ZNF585B: variants seen among roughly 807,000 people sequenced by gnomAD.
The protein encoded by ZNF585B is zinc finger protein 41-like protein.
A neutral mutation model predicts 14.0 loss-of-function variants in ZNF585B; 7 were observed. That is an observed-to-expected ratio of 0.50 (90% confidence interval 0.28 to 0.94). The LOEUF (loss-of-function observed/expected upper bound fraction) is 0.94. Among genes scored for constraint, ZNF585B ranks in the 40% least tolerant of loss-of-function variants. The pLI, the probability that ZNF585B is intolerant of heterozygous loss-of-function variation, is 0.09. For synonymous variants in ZNF585B, 290 were observed against 317.3 expected, an observed-to-expected ratio of 0.91 and a Z score of 0.91; for missense variants, 750 against 924.4, an observed-to-expected ratio of 0.81 and a Z score of 2.45.
intron 1 of ZNF585B, among the ~76,000 whole-genome samples, chr19:37,208,056 T>C (rs1972605444): frequency 6.6e-6 from 1 of 152,154 alleles, no homozygotes; most frequent in South Asian, 2.1e-4. Context: ...CACTGCAACC[T>C]CCACCTCCAG....
At chr19:37,192,518 A>AT (rs34640738) in intron 2 of ZNF585B, among the ~76,000 whole-genome samples, 35,788 of 151,076 alleles carry the variant, frequency 0.24, 5,023 homozygotes, top group Non-Finnish European at 0.32. Context: ...AAAAAAAAAA[A>AT]AATAAAATAA....
At chr19:37,198,903 T>A in intron 2 of ZNF585B, 2 of 1,238,714 alleles carry the variant, frequency 1.6e-6, no homozygotes, top group Non-Finnish European at 2.2e-6. Flanking sequence ...ATATTTATAA[T>A]TTTTAATATG....
At chr19:37,188,746 G>A (rs1436457931) in intron 4 of ZNF585B, among the ~76,000 whole-genome samples, 1 of 152,070 alleles carries the variant, frequency 6.6e-6, no homozygotes, top group East Asian at 1.9e-4. Flanking sequence ...AACATCAGAA[G>A]GAAATGTGAG....
chr19:37,183,649 C>A lies in ZNF585B; in HGVS notation c.*1578G>T, dbSNP rs528093602. ...GCCACAGATAAAATAAAGAATTGTG[C>A]TCTTTGCAACGGGCACTGCAAATAC... On this transcript the variant is annotated 3_prime_UTR_variant, in exon 5 of 5. Coordinates refer to ENST00000532828, the MANE Select transcript of ZNF585B (RefSeq NM_152279.4). 6.6e-6 allele frequency: 1 copy of A among 152,124 alleles called. No homozygotes were observed. The highest frequency in any genetic ancestry group is 1.5e-5 in the Non-Finnish European group (1 of 68,018). The allele number at this position is 152,124 out of a possible 1,614,324, so 9.4% of individuals were successfully genotyped here.
At chr19:37,196,778 A>T (rs1391865379) in intron 2 of ZNF585B, among the ~76,000 whole-genome samples, 1 of 152,182 alleles carries the variant, frequency 6.6e-6, no homozygotes, top group Non-Finnish European at 1.5e-5. Context: ...TTTTATTATA[A>T]AAATACAGAA....
rs1415856140 is a variant in ZNF585B at position 37,183,499 on chromosome 19, G to A, written c.*1728C>T. On this transcript the variant is annotated 3_prime_UTR_variant, in exon 5 of 5. Coordinates refer to ENST00000532828, the MANE Select transcript of ZNF585B (RefSeq NM_152279.4). ...ACAGAGAAATGAGGAAAATACACCA[G>A]GCAGCATGGTGGAAATTGCTAGGGA... 4.6e-5 allele frequency: 7 copies of A among 152,246 alleles called. No individual in the cohort carries two copies. Among genetic ancestry groups the A allele is most frequent in the South Asian group, 2.1e-4 (1 of 4,828 alleles). 9.4% of individuals were successfully genotyped at this position (152,246 alleles called of 1,614,324 possible). A position where few individuals can be genotyped will look rare whatever the true frequency, so the allele number is the denominator to read the frequency against.
rs775203422 is a variant in ZNF585B, at chr19:37,187,197, T to C, written c.340A>G (p.Lys114Glu). 3.7e-6 allele frequency: 6 copies of C among 1,611,730 alleles called. No individual in the cohort carries two copies. The highest frequency in any genetic ancestry group is 4.2e-6 in the Non-Finnish European group (5 of 1,179,432). ...TTTTGATCTTGAGAGGAAGCTGGTT[T>C]ATAACCGATGATTTTTCTATGTTGA... ...HNQHRKIIGY[K>E]PASSQDQKIY... Residue 114 changes from lysine (K) to glutamate (E), a missense_variant, in exon 5 of 5, where the codon AAA becomes GAA. Physicochemically the swap from Lys to Glu is moderately conservative, Grantham distance 56. Around this residue, in one of 2 missense-constraint regions of ZNF585B, gnomAD observed 517 missense variants for 570.3 expected, o/e 0.91. Coordinates refer to ENST00000532828, the MANE Select transcript of ZNF585B (RefSeq NM_152279.4).
chr19:37,187,845 GC>G (rs1473443605), intron 4 of ZNF585B, among the ~76,000 whole-genome samples: 10 of 152,182 alleles, frequency 6.6e-5, no homozygotes, highest in Middle Eastern at 3.4e-3. Flanking sequence ...GAACAATTCA[GC>G]AGTTAAAAGA....
chr19:37,186,326 T>A lies in ZNF585B; in HGVS notation c.1211A>T (p.His404Leu), dbSNP rs749522104. Residue 404 changes from histidine to leucine, a missense_variant, in exon 5 of 5, where the codon CAT (histidine) becomes CTT (leucine). Coordinates refer to ENST00000532828, the MANE Select transcript of ZNF585B (RefSeq NM_152279.4). ...KSALTVHQRI[H>L]TGEKSYICMK... ...GCATATATACGATTTTTCTCCTGTATGAATTCTCTGATGCACTGTGAGTGC... is the reference window on the plus strand; with the variant it reads ...GCATATATACGATTTTTCTCCTGTAAGAATTCTCTGATGCACTGTGAGTGC... The A allele has an allele frequency of 6.2e-7, 1 of 1,614,134 alleles. No homozygotes were observed. The highest frequency in any genetic ancestry group is 1.1e-5 in the South Asian group (1 of 91,076).
At chr19:37,192,250 G>T (rs949483079) in intron 2 of ZNF585B, among the ~76,000 whole-genome samples, 2 of 152,104 alleles carry the variant, frequency 1.3e-5, no homozygotes, top group African/African-American at 4.8e-5. Context: ...GTTCATTAAG[G>T]TGCTGAAAAG....
intron 2 of ZNF585B, among the ~76,000 whole-genome samples, chr19:37,205,142 ATCCTCCC>A (rs1972572865): frequency 6.6e-6 from 1 of 152,146 alleles, no homozygotes; most frequent in African/African-American, 2.4e-5. Flanking sequence ...GCCTCAAGCC[ATCCTCCC>A]ACCCTGGCTT....
chr19:37,198,663 G>A (rs1312289664), intron 2 of ZNF585B, among the ~76,000 whole-genome samples: 1 of 150,918 alleles, frequency 6.6e-6, no homozygotes, highest in African/African-American at 2.4e-5. Flanking sequence ...TTCAACCCAG[G>A]AGGCAGAGGT....
At chr19:37,204,120 A>T (rs73624843) in intron 2 of ZNF585B, among the ~76,000 whole-genome samples, 1,913 of 152,064 alleles carry the variant, frequency 0.013, 26 homozygotes, top group African/African-American at 0.035. Flanking sequence ...ATTATTAATT[A>T]AAAAAATGCT....
At chr19:37,199,408 C>T in intron 2 of ZNF585B, 1 of 422,240 alleles carries the variant, frequency 2.4e-6, no homozygotes, top group Admixed American at 2.8e-5. Context: ...ACCTGTAGTC[C>T]CAGCTACTCG....
rs1972327063 is a variant in ZNF585B at position 37,185,842 on chromosome 19, G to A, written c.1695C>T (p.Leu565=). ...CTGTATGAATTTTCTGATGAACAATGAGTATTGATTTCTGGTTGAAGGCTT... is the reference window on the plus strand; with the variant it reads ...CTGTATGAATTTTCTGATGAACAATAAGTATTGATTTCTGGTTGAAGGCTT... ...CGKAFNQKSI[L]IVHQKIHTGE... Residue 565 remains leucine (L), a synonymous_variant, in exon 5 of 5, where the codon CTC becomes CTT. Transcript: ENST00000532828. 1.1e-5 allele frequency: 18 copies of A among 1,611,752 alleles called. No homozygotes were observed. The highest frequency in any genetic ancestry group is 1.5e-5 in the Non-Finnish European group (18 of 1,178,988).
rs1324473640 is a variant in ZNF585B, at chr19:37,185,330, T to C, written c.2207A>G (p.His736Arg). ...TTTGTCTCCAGTGTGTGTTGTCTGA[T>C]GTTTATTCAAATTGGACCTGTTGCT... ...AFSNRSNLNK[H>R]QTTHTGDKPY... The change falls in exon 5 of 5, where the codon CAT becomes CGT. Residue 736 changes from histidine (H) to arginine (R), a missense_variant. Coordinates refer to ENST00000532828, the MANE Select transcript of ZNF585B (RefSeq NM_152279.4). 1.2e-6 allele frequency: 2 copies of C among 1,614,100 alleles called. No individual in the cohort carries two copies. Among genetic ancestry groups the C allele is most frequent in the East Asian group, 2.2e-5 (1 of 44,888 alleles).
At chr19:37,189,893 A>G in intron 3 of ZNF585B, 131 bp downstream of exon 3, 1 of 1,558,188 alleles carries the variant, frequency 6.4e-7, no homozygotes, top group Non-Finnish European at 8.7e-7. Flanking sequence ...AGTACCCTAA[A>G]CAAACAGAGA....
rs57460816 is a variant in ZNF585B at position 37,184,400 on chromosome 19, G to GA, written c.*826dup. ...AGAAAGAAAGAAAGAAAGAAAGAAAGAAAGAAAGAAAGAAAGAGAAAGAAA... is the reference window on the plus strand; with the variant it reads ...AGAAAGAAAGAAAGAAAGAAAGAAAGAAAAGAAAGAAAGAAAGAGAAAGAAA... On this transcript the variant is annotated 3_prime_UTR_variant, in exon 5 of 5. Coordinates refer to ENST00000532828, the MANE Select transcript of ZNF585B (RefSeq NM_152279.4). The GA allele has an allele frequency of 2.0e-5, 1 of 49,520 alleles. No homozygotes were observed. Among genetic ancestry groups the GA allele is most frequent in the African/African-American group, 1.0e-4 (1 of 9,984 alleles). 3.1% of individuals were successfully genotyped at this position (49,520 alleles called of 1,614,324 possible).
chr19:37,198,314 G>A (rs1217707903), intron 2 of ZNF585B, among the ~76,000 whole-genome samples: 1 of 151,992 alleles, frequency 6.6e-6, no homozygotes, highest in Non-Finnish European at 1.5e-5. Context: ...TGGGATTACA[G>A]GCATGTGCCA....
Sources: gnomAD v4.1 joint callset for allele counts (sites outside exome capture counted in the v4.1 genomes callset) on GRCh38, gnomAD v4.1.1 for gene constraint, gnomAD v4.1.1 regional missense constraint, MANE v1.5 for transcripts, NCBI Gene and HGNC (gene_info 2026-07-23, HGNC 2026-07-21) for gene names.